The following FHOD3 variants were observed in gnomAD, a reference collection of about 807,000 sequenced individuals.
The protein encoded by FHOD3 is FH1/FH2 domain-containing protein 3.
In FHOD3, 90 loss-of-function variants were observed where a neutral mutation model predicts 173.0. That is an observed-to-expected ratio of 0.52 (90% confidence interval 0.44 to 0.62). The LOEUF (loss-of-function observed/expected upper bound fraction) is 0.62, where lower values mean the gene tolerates loss of function less well. Ranked by LOEUF, FHOD3 falls within the 20% of genes least tolerant of loss-of-function variation. The probability of loss-of-function intolerance (pLI) is 0.00; values close to 1 mark genes in which losing one functional copy is unlikely to be tolerated. For missense variants in FHOD3, 1,945 were observed against 2,034.7 expected (o/e 0.96, Z 0.85); for synonymous variants, 828 against 823.0 (o/e 1.01, Z -0.10).
At chr18:36,745,701 C>T (rs912961846) in intron 23 of FHOD3, among the ~76,000 whole-genome samples, 34 of 151,780 alleles carry the variant, frequency 2.2e-4, no homozygotes, top group Non-Finnish European at 4.1e-4. Context: ...CACGCATCTC[C>T]CGCTCAGCCC....
intron 6 of FHOD3, among the ~76,000 whole-genome samples, chr18:36,593,028 AG>A (rs1453696949): frequency 1.3e-5 from 2 of 152,198 alleles, no homozygotes; most frequent in Non-Finnish European, 2.9e-5. Context: ...GTGAACTCAG[AG>A]GTCTTCCCAC....
At chr18:36,617,610 T>TGTGTGTGTGTGTGCGC (rs34321745) in intron 9 of FHOD3, among the ~76,000 whole-genome samples, 10 of 146,006 alleles carry the variant, frequency 6.8e-5, no homozygotes, top group African/African-American at 2.3e-4. Context: ...TGTGTGTGTG[T>TGTGTGTGTGTGTGCGC]GTGTGTGTGC....
At chr18:36,463,537 G>A (rs879305035) in intron 3 of FHOD3, among the ~76,000 whole-genome samples, 12 of 87,836 alleles carry the variant, frequency 1.4e-4, no homozygotes, top group African/African-American at 2.2e-4. Flanking sequence ...TTGCCATGTC[G>A]CCCCAGGCTG....
At chr18:36,512,601 C>T (rs2055718769) in intron 5 of FHOD3, 58 bp downstream of exon 5, 10 of 1,249,082 alleles carry the variant, frequency 8.0e-6, no homozygotes, top group African/African-American at 1.5e-5. Flanking sequence ...TCTGGGTTCA[C>T]CTTCAGGAAC....
At chr18:36,588,761 A>T (rs1159991100) in intron 6 of FHOD3, among the ~76,000 whole-genome samples, 1 of 152,168 alleles carries the variant, frequency 6.6e-6, no homozygotes, top group African/African-American at 2.4e-5. Context: ...CTGTCTTTTT[A>T]TTACCTTCCC....
chr18:36,361,210 CT>C (rs200408192), intron 2 of FHOD3, among the ~76,000 whole-genome samples: 2,002 of 152,182 alleles, frequency 0.013, 32 homozygotes, highest in African/African-American at 0.045. Flanking sequence ...AGTTCTGCCC[CT>C]GCTCTCAGTG....
chr18:36,731,455 A>G lies in FHOD3; in HGVS notation c.3576+651A>G, dbSNP rs183351796. Among the ~76,000 whole-genome samples the G allele has an allele frequency of 1.8e-4, 28 of 152,278 alleles. No homozygotes were observed. The East Asian group carries it at 5.2e-3, about 28-fold the overall frequency. Reference sequence around the variant, plus strand: ...GGTTAAATCTCTTATTATAATAATGAAAAGAGTGAGCAGAGCCGATGTGTC... The same window carrying G: ...GGTTAAATCTCTTATTATAATAATGGAAAGAGTGAGCAGAGCCGATGTGTC... On this transcript the variant is annotated intron_variant, in intron 20 of 28. Transcript: ENST00000590592.
At chr18:36,678,664 G>T (rs2038034637) in intron 14 of FHOD3, among the ~76,000 whole-genome samples, 1 of 151,216 alleles carries the variant, frequency 6.6e-6, no homozygotes, top group Non-Finnish European at 1.5e-5. Flanking sequence ...CATAGTAAAG[G>T]GTTTTTTTTT....
chr18:36,698,575 G>A lies in FHOD3; in HGVS notation c.2236+5152G>A, dbSNP rs190542204. 1.3e-3 allele frequency among the ~76,000 whole-genome samples: 200 copies of A among 152,236 alleles called. 1 individual carries two copies. Among genetic ancestry groups the A allele is most frequent in the Non-Finnish European group, 2.4e-3 (162 of 68,022 alleles). On this transcript the variant is annotated intron_variant, in intron 17 of 28. Transcript: ENST00000590592. ...ACAGCACTACAGCCTGGGTAACAGA[G>A]CAAGACCCCAACTCCAAAAAAAAGA...
intron 3 of FHOD3, among the ~76,000 whole-genome samples, chr18:36,489,625 T>TG (rs2054363818): frequency 1.3e-5 from 2 of 152,164 alleles, no homozygotes; most frequent in Admixed American, 1.3e-4. Flanking sequence ...TGAGCCATGT[T>TG]CATACTCCCA....
intron 6 of FHOD3, among the ~76,000 whole-genome samples, chr18:36,592,360 C>T (rs1446993100): frequency 6.6e-6 from 1 of 152,220 alleles, no homozygotes; most frequent in Non-Finnish European, 1.5e-5. Flanking sequence ...TTCCAGGTGG[C>T]TTTCAGGCAG....
chr18:36,664,337 C>G (rs1015755147), intron 14 of FHOD3, among the ~76,000 whole-genome samples: 1 of 152,154 alleles, frequency 6.6e-6, no homozygotes, highest in Non-Finnish European at 1.5e-5. Context: ...TTCAAAGATG[C>G]TGTGTTCTCC....
At chr18:36,386,658 G>C (rs920544523) in intron 3 of FHOD3, among the ~76,000 whole-genome samples, 4 of 152,220 alleles carry the variant, frequency 2.6e-5, no homozygotes, top group Admixed American at 1.3e-4. Flanking sequence ...GCCCATGCCA[G>C]GCTCCTGGAG....
At chr18:36,326,426 C>G (rs533359473) in intron 1 of FHOD3, among the ~76,000 whole-genome samples, 3 of 152,310 alleles carry the variant, frequency 2.0e-5, no homozygotes, top group African/African-American at 7.2e-5. Flanking sequence ...AATTAACAGA[C>G]AATATGTTTA....
At chr18:36,607,492 G>C (rs564788892) in intron 8 of FHOD3, among the ~76,000 whole-genome samples, 6 of 152,240 alleles carry the variant, frequency 3.9e-5, no homozygotes, top group South Asian at 2.1e-4. Context: ...CCATCGTCTT[G>C]GTGAATAACG....
intron 5 of FHOD3, among the ~76,000 whole-genome samples, chr18:36,531,836 T>C (rs1465218506): frequency 6.6e-6 from 1 of 152,214 alleles, no homozygotes; most frequent in African/African-American, 2.4e-5. Context: ...CCAGAGCAGT[T>C]TGCCCACAGG....
chr18:36,701,260 C>T (rs1419826120), intron 17 of FHOD3, among the ~76,000 whole-genome samples: 1 of 152,098 alleles, frequency 6.6e-6, no homozygotes, highest in Non-Finnish European at 1.5e-5. Context: ...GCAGGCCACT[C>T]CATAAGGACT....
intron 1 of FHOD3, among the ~76,000 whole-genome samples, chr18:36,326,989 G>A (rs569700124): frequency 1.2e-4 from 19 of 152,206 alleles, no homozygotes; most frequent in African/African-American, 4.1e-4. Flanking sequence ...TGCTGGGACC[G>A]GTTATCTTTG....
intron 18 of FHOD3, among the ~76,000 whole-genome samples, chr18:36,716,974 G>A (rs1600388826): frequency 6.6e-6 from 1 of 150,428 alleles, no homozygotes; most frequent in Non-Finnish European, 1.5e-5. Flanking sequence ...GTGCCAGAAG[G>A]AAGACTCTAG....
Sources: gnomAD v4.1 joint callset for allele counts (sites outside exome capture counted in the v4.1 genomes callset) on GRCh38, gnomAD v4.1.1 for gene constraint, MANE v1.5 for transcripts, NCBI Gene and HGNC (gene_info 2026-07-23, HGNC 2026-07-21) for gene names.